The following XKR6 variants were observed in gnomAD, a reference collection of about 807,000 sequenced individuals.
XKR6 encodes XK-related protein 6.
A neutral mutation model predicts 56.7 loss-of-function variants in XKR6; 22 were observed. The ratio of observed to expected loss-of-function variants is 0.39; its 90% CI spans 0.28 to 0.55. The LOEUF (loss-of-function observed/expected upper bound fraction) is 0.55, where lower values mean the gene tolerates loss of function less well. Ranked by LOEUF, XKR6 falls within the 20% of genes least tolerant of loss-of-function variation. The pLI, the probability that XKR6 is intolerant of heterozygous loss-of-function variation, is 0.66. For synonymous variants in XKR6, 524 were observed against 387.8 expected, an observed-to-expected ratio of 1.35 and a Z score of -4.13; for missense variants, 852 against 889.0, an observed-to-expected ratio of 0.96 and a Z score of 0.53.
chr8:11,137,472 G>C (rs914564023), intron 1 of XKR6: 2 of 436,620 alleles, frequency 4.6e-6, no homozygotes, highest in Admixed American at 2.5e-5. Context: ...CGACACGGAA[G>C]TCTTATCTGA....
intron 1 of XKR6, among the ~76,000 whole-genome samples, chr8:11,009,202 C>T (rs1354657339): frequency 6.6e-6 from 1 of 152,098 alleles, no homozygotes; most frequent in Non-Finnish European, 1.5e-5. Context: ...GTCTCTTTCG[C>T]CCTCTCATTG....
intron 1 of XKR6, among the ~76,000 whole-genome samples, chr8:11,149,514 T>C (rs1801162024): frequency 1.3e-5 from 2 of 152,342 alleles, no homozygotes; most frequent in African/African-American, 4.8e-5. Context: ...TCAGAATGGT[T>C]CCATATTTAA....
At chr8:10,969,284 G>A (rs1440718255) in intron 1 of XKR6, among the ~76,000 whole-genome samples, 2 of 152,152 alleles carry the variant, frequency 1.3e-5, no homozygotes, top group Admixed American at 6.5e-5. Flanking sequence ...CTGCCAGCTT[G>A]CCACCCACCG....
In XKR6 at chr8:11,101,216, G is replaced by C. The variant is rs376023417; in HGVS notation, c.764+99360C>G. On this transcript the variant is annotated intron_variant, in intron 1 of 2. Coordinates refer to ENST00000416569, the MANE Select transcript of XKR6 (RefSeq NM_173683.4). ...GGGTAAGTGCAGAAATTATACACGA[G>C]AGTCATTGAAACTGAGTTTATAAGA... is the stretch of plus-strand genomic sequence containing the variant. Among the ~76,000 whole-genome samples the C allele has an allele frequency of 4.6e-5, 7 of 152,298 alleles. No individual in the cohort carries two copies. In the East Asian group the frequency reaches 1.2e-3, roughly 25 times the overall value.
At chr8:11,098,537 C>A (rs1798346659) in intron 1 of XKR6, among the ~76,000 whole-genome samples, 1 of 152,130 alleles carries the variant, frequency 6.6e-6, no homozygotes, top group Non-Finnish European at 1.5e-5. Context: ...GACAGGAACT[C>A]TTGTCTCATC....
chr8:11,033,727 C>A (rs1799064997), intron 1 of XKR6, among the ~76,000 whole-genome samples: 1 of 152,080 alleles, frequency 6.6e-6, no homozygotes, highest in African/African-American at 2.4e-5. Flanking sequence ...AGTCTGAGAA[C>A]CAACTGAATG....
At chr8:11,165,962 T>G (rs551221237) in intron 1 of XKR6, among the ~76,000 whole-genome samples, 13 of 147,968 alleles carry the variant, frequency 8.8e-5, no homozygotes, top group Non-Finnish European at 1.3e-4. Context: ...TTTTTGGGTT[T>G]TTTTTTTTTT....
At chr8:10,987,481 T>A (rs928185309) in intron 1 of XKR6, among the ~76,000 whole-genome samples, 2 of 152,206 alleles carry the variant, frequency 1.3e-5, no homozygotes, top group Non-Finnish European at 2.9e-5. Context: ...CACAAATATA[T>A]GTTTAGATTC....
At chr8:11,006,892 G>C (rs1053315409) in intron 1 of XKR6, among the ~76,000 whole-genome samples, 3 of 152,214 alleles carry the variant, frequency 2.0e-5, no homozygotes, top group African/African-American at 7.2e-5. Context: ...GCAACACAGA[G>C]TGTAGATTCT....
chr8:10,985,169 C>T (rs1043826226), intron 1 of XKR6, among the ~76,000 whole-genome samples: 12 of 152,190 alleles, frequency 7.9e-5, no homozygotes, highest in Middle Eastern at 3.4e-3. Context: ...CCACCCAAAT[C>T]TCATCTTGAA....
At chr8:11,199,807 T>G (rs1804100846) in intron 1 of XKR6, among the ~76,000 whole-genome samples, 1 of 152,138 alleles carries the variant, frequency 6.6e-6, no homozygotes. Flanking sequence ...ATAAATCACT[T>G]ACACACTGGC....
At chr8:11,174,204 A>G (rs1802535559) in intron 1 of XKR6, among the ~76,000 whole-genome samples, 1 of 152,258 alleles carries the variant, frequency 6.6e-6, no homozygotes, top group African/African-American at 2.4e-5. Flanking sequence ...TGAAAATGAG[A>G]GGGAACCTCA....
intron 1 of XKR6, chr8:11,035,291 GCAT>G (rs772027212): frequency 3.7e-6 from 2 of 534,802 alleles, no homozygotes; most frequent in Non-Finnish European, 7.7e-6. Flanking sequence ...AGCATCAGCA[GCAT>G]CATCAAGCCA....
Position 11,064,024 on chromosome 8 carries a change from C to T in XKR6, c.764+136552G>A, listed in dbSNP as rs117328471. Among the ~76,000 whole-genome samples the T allele has an allele frequency of 6.3e-3, 953 of 152,314 alleles. 4 individuals are homozygous for T. Among genetic ancestry groups the T allele is most frequent in the Non-Finnish European group, 9.8e-3 (670 of 68,022 alleles). On this transcript the variant is annotated intron_variant, in intron 1 of 2. Coordinates refer to ENST00000416569, the MANE Select transcript of XKR6 (RefSeq NM_173683.4). ...ATTTCATACAACCTTCCGAAGTTCTCTTCTATATCAACATCCATCAGTCCT... is the reference window on the plus strand; with the variant it reads ...ATTTCATACAACCTTCCGAAGTTCTTTTCTATATCAACATCCATCAGTCCT...
chr8:11,135,289 A>G (rs903885562), intron 1 of XKR6, among the ~76,000 whole-genome samples: 1 of 152,154 alleles, frequency 6.6e-6, no homozygotes, highest in Non-Finnish European at 1.5e-5. Context: ...TCAGCCTCCC[A>G]AAGTGCTGGG....
chr8:11,178,576 A>ATATATATG lies in XKR6; in HGVS notation c.764+21999_764+22000insCATATATA, dbSNP rs1802796159. 1.1e-4 allele frequency among the ~76,000 whole-genome samples: 15 copies of ATATATATG among 135,938 alleles called. 1 individual carries two copies. The highest frequency in any genetic ancestry group is 4.8e-4 in the South Asian group (2 of 4,136). The allele number at this position is 135,938 out of a possible 152,430, so 89.2% of individuals were successfully genotyped here. ...TATATATATATATATATATATATGT[A>ATATATATG]TATATATATGTACTACACACACACA... On this transcript the variant is annotated intron_variant, in intron 1 of 2. Coordinates refer to ENST00000416569, the MANE Select transcript of XKR6 (RefSeq NM_173683.4).
At chr8:11,141,209 T>A (rs549926029) in intron 1 of XKR6, among the ~76,000 whole-genome samples, 2 of 152,220 alleles carry the variant, frequency 1.3e-5, no homozygotes, top group Non-Finnish European at 2.9e-5. Context: ...AGACTTCCTA[T>A]GTGTATTGTG....
chr8:11,147,688 T>C (rs1329767493), intron 1 of XKR6, among the ~76,000 whole-genome samples: 1 of 147,260 alleles, frequency 6.8e-6, no homozygotes, highest in Non-Finnish European at 1.5e-5. Flanking sequence ...GGATGGCAAA[T>C]AAGCATATGA....
At chr8:11,195,436 T>C (rs1316396784) in intron 1 of XKR6, among the ~76,000 whole-genome samples, 2 of 152,170 alleles carry the variant, frequency 1.3e-5, no homozygotes, top group African/African-American at 4.8e-5. Flanking sequence ...CTCACTAACA[T>C]ATCAATATAT....
Sources: gnomAD v4.1 joint callset for allele counts (sites outside exome capture counted in the v4.1 genomes callset) on GRCh38, gnomAD v4.1.1 for gene constraint, MANE v1.5 for transcripts, NCBI Gene and HGNC (gene_info 2026-07-23, HGNC 2026-07-21) for gene names.